Variants in TBC1D14 observed in about 807,000 individuals in gnomAD.
The protein encoded by TBC1D14 is TBC1 domain family, member 14.
A neutral mutation model predicts 79.0 loss-of-function variants in TBC1D14; 26 were observed. The ratio of observed to expected loss-of-function variants is 0.33; its 90% CI spans 0.24 to 0.46. The LOEUF (loss-of-function observed/expected upper bound fraction) is 0.46, where lower values mean the gene tolerates loss of function less well. TBC1D14 is among the 20% of genes least tolerant of loss of function. The pLI, the probability that TBC1D14 is intolerant of heterozygous loss-of-function variation, is 1.00. For missense variants in TBC1D14, 769 were observed against 887.6 expected (o/e 0.87, Z 1.70); for synonymous variants, 394 against 349.9 (o/e 1.13, Z -1.40).
chr4:6,949,565 C>T (rs1342048164), intron 2 of TBC1D14, among the ~76,000 whole-genome samples: 1 of 151,896 alleles, frequency 6.6e-6, no homozygotes, highest in Non-Finnish European at 1.5e-5. Context: ...TGCCTGTAAT[C>T]CCAGCTACTT....
In TBC1D14 at chr4:6,949,921, G is replaced by T. The variant is rs150639741; in HGVS notation, c.723-17383G>T. 3.2e-3 allele frequency among the ~76,000 whole-genome samples: 482 copies of T among 152,108 alleles called. 1 individual carries two copies. Among genetic ancestry groups the T allele is most frequent in the African/African-American group, 0.011 (453 of 41,484 alleles). On this transcript the variant is annotated intron_variant, in intron 2 of 13. Transcript: ENST00000409757. ...TTTTTTATTTTTTATTTTACTTTAA[G>T]TTCTGGGATACATGTGCAGAACATG...
At chr4:7,008,846 C>G (rs1484448135) in intron 9 of TBC1D14, among the ~76,000 whole-genome samples, 1 of 152,208 alleles carries the variant, frequency 6.6e-6, no homozygotes, top group Non-Finnish European at 1.5e-5. Context: ...GTGTAATGCT[C>G]TTGTTTTCTT....
chr4:6,940,601 G>A (rs1041238928), intron 2 of TBC1D14, among the ~76,000 whole-genome samples: 1 of 152,050 alleles, frequency 6.6e-6, no homozygotes, highest in Non-Finnish European at 1.5e-5. Context: ...ATTTAAATAT[G>A]GGAGATGACG....
At chr4:6,963,727 C>G (rs1217525755) in intron 2 of TBC1D14, among the ~76,000 whole-genome samples, 1 of 152,218 alleles carries the variant, frequency 6.6e-6, no homozygotes, top group Admixed American at 6.5e-5. Context: ...TATCAACATG[C>G]TTTTTATGAG....
intron 3 of TBC1D14, chr4:6,987,403 C>G (rs1717971778): frequency 1.5e-6 from 2 of 1,367,860 alleles, no homozygotes; most frequent in South Asian, 3.3e-5. Flanking sequence ...CTGCCCGGTC[C>G]CGTGGGCCTG....
chr4:6,960,869 A>T (rs980372084), intron 2 of TBC1D14, among the ~76,000 whole-genome samples: 1 of 152,206 alleles, frequency 6.6e-6, no homozygotes, highest in Non-Finnish European at 1.5e-5. Context: ...CCCTGGTAAC[A>T]GTGCGGAGGA....
At chr4:6,937,295 G>T (rs191167826) in intron 2 of TBC1D14, among the ~76,000 whole-genome samples, 2 of 152,348 alleles carry the variant, frequency 1.3e-5, no homozygotes, top group Middle Eastern at 3.4e-3. Flanking sequence ...AGTTCTGGAG[G>T]TTGGGAGGCG....
intron 12 of TBC1D14, among the ~76,000 whole-genome samples, chr4:7,019,601 G>T (rs1330624077): frequency 1.3e-5 from 2 of 152,266 alleles, no homozygotes; most frequent in African/African-American, 4.8e-5. Context: ...TGGCCTGGCT[G>T]AAGTGGGAGC....
chr4:6,923,339 TC>T, intron 1 of TBC1D14, 33 bp from the exon 2 acceptor site: 2 of 1,551,210 alleles, frequency 1.3e-6, no homozygotes. Context: ...GAATTTTATA[TC>T]CACTTTAATT....
Position 6,969,250 on chromosome 4 carries a change from T to A in TBC1D14, c.843+1826T>A, listed in dbSNP as rs148958576. ...TGAGTTTGTATGCAAAGCTTAGCTA[T>A]AAATTTCTTAGGAAATTAAATAACC... is the stretch of plus-strand genomic sequence containing the variant. On this transcript the variant is annotated intron_variant, in intron 3 of 13. Transcript: ENST00000409757. 1.3e-3 allele frequency among the ~76,000 whole-genome samples: 197 copies of A among 152,354 alleles called. 2 individuals carry two copies. The highest frequency in any genetic ancestry group is 4.5e-3 in the African/African-American group (189 of 41,572).
chr4:7,023,353 T>G (rs1009187556), intron 12 of TBC1D14, among the ~76,000 whole-genome samples: 5 of 152,238 alleles, frequency 3.3e-5, no homozygotes, highest in African/African-American at 9.6e-5. Flanking sequence ...AGAGTCTGAT[T>G]TCCATGTGTG....
intron 10 of TBC1D14, among the ~76,000 whole-genome samples, chr4:7,010,158 T>C (rs1720607312): frequency 6.6e-6 from 1 of 152,226 alleles, no homozygotes; most frequent in Non-Finnish European, 1.5e-5. Context: ...ATTAATCACA[T>C]TTTAATCGAA....
intron 2 of TBC1D14, among the ~76,000 whole-genome samples, chr4:6,934,253 G>T (rs925432943): frequency 6.6e-6 from 1 of 151,984 alleles, no homozygotes; most frequent in Admixed American, 6.6e-5. Context: ...GGGAGGAGAG[G>T]AGGAAGCAGC....
At position 7,025,090 on chromosome 4, in the gene TBC1D14, T is replaced by C; in HGVS notation, c.1844T>C (p.Leu615Pro). ...TTCTGTCGCGATGGGGAAGAGTTCCTGTTCCGCACGGCCCTGGGCATCCTG... is the reference window on the plus strand; with the variant it reads ...TTCTGTCGCGATGGGGAAGAGTTCCCGTTCCGCACGGCCCTGGGCATCCTG... ...DVFCRDGEEFLFRTALGILKL... is the reference protein window; with the variant it reads ...DVFCRDGEEFPFRTALGILKL... Residue 615 changes from leucine to proline, a missense_variant, in exon 13 of 14, where the codon CTG becomes CCG. Coordinates refer to ENST00000409757, the MANE Select transcript of TBC1D14 (RefSeq NM_020773.3). The C allele has an allele frequency of 1.2e-6, 2 of 1,614,258 alleles. No homozygotes were observed. The highest frequency in any genetic ancestry group is 1.7e-6 in the Non-Finnish European group (2 of 1,180,042).
chr4:7,033,044 G>C lies in TBC1D14; in HGVS notation c.*2652G>C, dbSNP rs989837397. The C allele has an allele frequency of 1.3e-5, 2 of 152,658 alleles. No individual in the cohort carries two copies. Among genetic ancestry groups the C allele is most frequent in the Non-Finnish European group, 2.9e-5 (2 of 68,044 alleles). 9.5% of individuals were successfully genotyped at this position (152,658 alleles called of 1,614,324 possible). On this transcript the variant is annotated 3_prime_UTR_variant, in exon 14 of 14. Transcript: ENST00000409757. Reference sequence around the variant, plus strand: ...AACCTTTAATTTTATTTAGTAAAGTGTATCAAAGTAGGACTTTTTTGAATT... The same window carrying C: ...AACCTTTAATTTTATTTAGTAAAGTCTATCAAAGTAGGACTTTTTTGAATT...
rs201472573 is a variant in TBC1D14, at chr4:7,027,593, GCATA to G, written c.2016+2334_2016+2337del. Reference sequence around the variant, plus strand: ...ACACGCACATCACACACCCACCCACGCATACAATTACCCTACACAGTCACATCCA... The same window carrying G: ...ACACGCACATCACACACCCACCCACGCAATTACCCTACACAGTCACATCCA... On this transcript the variant is annotated intron_variant, in intron 13 of 13. Coordinates refer to ENST00000409757, the MANE Select transcript of TBC1D14 (RefSeq NM_020773.3). 6.2e-3 allele frequency among the ~76,000 whole-genome samples: 777 copies of G among 124,762 alleles called. 7 individuals carry two copies. Among genetic ancestry groups the G allele is most frequent in the African/African-American group, 0.021 (684 of 32,008 alleles). 81.8% of individuals were successfully genotyped at this position (124,762 alleles called of 152,430 possible). A position where few individuals can be genotyped will look rare whatever the true frequency, so the allele number is the denominator to read the frequency against.
At chr4:6,979,481 C>G (rs544088982) in intron 3 of TBC1D14, among the ~76,000 whole-genome samples, 15 of 152,166 alleles carry the variant, frequency 9.9e-5, no homozygotes, top group Admixed American at 2.6e-4. Context: ...TTTACTTGGG[C>G]ATGGTGATAC....
At chr4:6,982,036 G>A (rs749075469) in intron 3 of TBC1D14, among the ~76,000 whole-genome samples, 11 of 152,304 alleles carry the variant, frequency 7.2e-5, no homozygotes, top group Non-Finnish European at 1.3e-4. Context: ...TTGTGGTAAT[G>A]CACAATGGTA....
intron 2 of TBC1D14, among the ~76,000 whole-genome samples, chr4:6,953,315 G>A (rs1277730438): frequency 3.7e-4 from 49 of 131,796 alleles, no homozygotes; most frequent in African/African-American, 1.1e-3. Flanking sequence ...GAGCCACCAC[G>A]CCCAGCCATA....
Sources: allele counts gnomAD v4.1 joint callset (sites outside exome capture counted in the v4.1 genomes callset), GRCh38; gene constraint gnomAD v4.1.1; transcripts MANE v1.5; gene names NCBI Gene and HGNC (gene_info 2026-07-23, HGNC 2026-07-21).